The following SDCBP variants were observed in gnomAD, a reference collection of about 807,000 sequenced individuals.
SDCBP encodes syndecan binding protein.
In SDCBP, 22 loss-of-function variants were observed where a neutral mutation model predicts 30.5. That is an observed-to-expected ratio of 0.72 (90% CI 0.52 to 1.03). The LOEUF (loss-of-function observed/expected upper bound fraction) is 1.03, where lower values mean the gene tolerates loss of function less well. Among genes scored for constraint, SDCBP ranks in the 50% least tolerant of loss-of-function variants. The pLI is 0.00. For synonymous variants in SDCBP, 103 were observed against 118.7 expected (o/e 0.87, Z 0.86); for missense variants, 304 against 369.9 (o/e 0.82, Z 1.46).
At chr8:58,575,859 AGT>A in intron 4 of SDCBP, 39 bp from the exon 5 acceptor site, 1 of 1,484,808 alleles carries the variant, frequency 6.7e-7, no homozygotes, top group Non-Finnish European at 9.2e-7. Context: ...TTTCAAGGAG[AGT>A]GTTTCTAGAT....
intron 1 of SDCBP, among the ~76,000 whole-genome samples, chr8:58,557,231 AATG>A (rs1212296123): frequency 1.6e-5 from 2 of 128,728 alleles, no homozygotes; most frequent in Admixed American, 1.6e-4. Context: ...ATTCCAGGAA[AATG>A]ATATTAATTT....
At chr8:58,576,161 G>T in intron 5 of SDCBP, 100 bp downstream of exon 5, 1 of 866,286 alleles carries the variant, frequency 1.2e-6, no homozygotes. Flanking sequence ...AATTATAATA[G>T]TGCATCTGTA....
chr8:58,579,511 G>T, intron 6 of SDCBP, 112 bp from the exon 7 acceptor site: 1 of 742,576 alleles, frequency 1.3e-6, no homozygotes, highest in Non-Finnish European at 1.9e-6. Context: ...GCTCTTATTA[G>T]AAACAGTGTT....
chr8:58,568,208 A>G (rs1472567335), intron 2 of SDCBP, among the ~76,000 whole-genome samples: 2 of 152,060 alleles, frequency 1.3e-5, no homozygotes, highest in African/African-American at 4.8e-5. Flanking sequence ...TTATATCCTG[A>G]TTCTATAAGC....
Position 58,566,270 on chromosome 8 carries a change from A to G in SDCBP, c.51+1186A>G, listed in dbSNP as rs76395625. ...CTGCTTAGCCATTAATATGACATCA[A>G]TACATTAACTGATAAGGATTTTTAG... On this transcript the variant is annotated intron_variant, in intron 2 of 8. Coordinates refer to ENST00000260130, the MANE Select transcript of SDCBP (RefSeq NM_005625.4). Among the ~76,000 whole-genome samples the G allele has an allele frequency of 7.2e-3, 1,091 of 152,322 alleles. 13 individuals are homozygous for G. Among genetic ancestry groups the G allele is most frequent in the African/African-American group, 0.025 (1,032 of 41,574 alleles).
intron 1 of SDCBP, among the ~76,000 whole-genome samples, chr8:58,562,361 T>G (rs566170731): frequency 6.6e-6 from 1 of 152,272 alleles, no homozygotes; most frequent in South Asian, 2.1e-4. Flanking sequence ...AAACTGATAC[T>G]GAATTGATAG....
chr8:58,579,458 C>A (rs1382714125), intron 6 of SDCBP, among the ~76,000 whole-genome samples, 165 bp from the exon 7 acceptor site: 2 of 152,032 alleles, frequency 1.3e-5, no homozygotes, highest in African/African-American at 2.4e-5. Context: ...AAAACTTTTA[C>A]ACAAAGATGT....
chr8:58,566,751 C>T (rs74933994), intron 2 of SDCBP, among the ~76,000 whole-genome samples: 5 of 152,186 alleles, frequency 3.3e-5, no homozygotes, highest in Non-Finnish European at 7.4e-5. Flanking sequence ...TCTCCTGAAA[C>T]GGTATTATGA....
Position 58,577,446 on chromosome 8 carries a change from A to C in SDCBP, c.403-587A>C, listed in dbSNP as rs574033405. Among the ~76,000 whole-genome samples the C allele has an allele frequency of 2.0e-5, 3 of 152,308 alleles. No homozygotes were observed. The East Asian group carries it at 5.8e-4, about 29-fold the overall frequency. On this transcript the variant is annotated intron_variant, in intron 5 of 8. Transcript: ENST00000260130. ...TTTATTTCATTGTGTGTTCTTTATA[A>C]GCCTGTGCATGTGGATTTAATATGC...
At chr8:58,556,102 A>G (rs546876774) in intron 1 of SDCBP, among the ~76,000 whole-genome samples, 15 of 152,244 alleles carry the variant, frequency 9.9e-5, no homozygotes, top group African/African-American at 2.4e-4. Context: ...AAAAAAATCA[A>G]TGATTCTGCC....
At chr8:58,559,586 T>C (rs762630747) in intron 1 of SDCBP, among the ~76,000 whole-genome samples, 7 of 152,148 alleles carry the variant, frequency 4.6e-5, no homozygotes, top group African/African-American at 1.2e-4. Context: ...CCAGATTCTG[T>C]TTTTCCCTTA....
rs553716682 is a variant in SDCBP, at chr8:58,574,172, T to G, written c.241-1728T>G. On this transcript the variant is annotated intron_variant, in intron 4 of 8. Transcript: ENST00000260130. ...TAGAAAGGGATGATACCAGTTAATG[T>G]GGCCATCTCTGGGCAGTCATCATGG... Among the ~76,000 whole-genome samples, 15 of 152,340 alleles carry G rather than the reference T, an allele frequency of 9.8e-5. 1 individual carries two copies. In the South Asian group the frequency reaches 1.0e-3, roughly 11 times the overall value.
intron 1 of SDCBP, among the ~76,000 whole-genome samples, chr8:58,555,513 G>C (rs567696151): frequency 3.3e-5 from 5 of 151,972 alleles, no homozygotes; most frequent in Admixed American, 2.6e-4. Context: ...AAACCCCCAG[G>C]ATACTTATTA....
intron 1 of SDCBP, among the ~76,000 whole-genome samples, chr8:58,553,582 G>A (rs147102984): frequency 0.017 from 2,622 of 152,252 alleles, 36 homozygotes; most frequent in African/African-American, 0.036. Flanking sequence ...TGGGGCTGGG[G>A]CTGGGGCTGG....
At chr8:58,573,412 GA>G (rs1382853534) in intron 4 of SDCBP, among the ~76,000 whole-genome samples, 3 of 152,074 alleles carry the variant, frequency 2.0e-5, no homozygotes, top group Non-Finnish European at 4.4e-5. Context: ...TTGAAAAATT[GA>G]AAAAAACATA....
chr8:58,554,317 G>GTTAAA (rs1803980669), intron 1 of SDCBP, among the ~76,000 whole-genome samples: 5 of 152,202 alleles, frequency 3.3e-5, no homozygotes, highest in Non-Finnish European at 5.9e-5. Flanking sequence ...AAATGTGTAT[G>GTTAAA]TGATTAGTTA....
At position 58,575,970 on chromosome 8, in the gene SDCBP, G is replaced by C. The variant is rs371193260; in HGVS notation, c.311G>C (p.Arg104Pro). 1 of 1,613,342 alleles carries C rather than the reference G, an allele frequency of 6.2e-7. No homozygotes were observed. The part of the protein sequence containing the change: ...APVTGNDVGI[R>P]RAEIKQGIRE... ...GTAACTGGTAATGATGTTGGAATTC[G>C]TAGAGCAGAAATTAAGCAAGGGATT... The change falls in exon 5 of 9, where the codon CGT (arginine) becomes CCT (proline). Residue 104 changes from arginine (R) to proline (P), a missense_variant. Arg to Pro is a moderately radical substitution (Grantham distance 103). Transcript: ENST00000260130.
In SDCBP at chr8:58,575,954, A is replaced by G; in HGVS notation, c.295A>G (p.Asn99Asp). The change falls in exon 5 of 9, where the codon AAT becomes GAT. Residue 99 changes from asparagine (N) to aspartate (D), a missense_variant. Transcript: ENST00000260130. ...INYMVAPVTG[N>D]DVGIRRAEIK... Reference sequence around the variant, plus strand: ...CTATATGGTGGCTCCTGTAACTGGTAATGATGTTGGAATTCGTAGAGCAGA... The same window carrying G: ...CTATATGGTGGCTCCTGTAACTGGTGATGATGTTGGAATTCGTAGAGCAGA... The G allele has an allele frequency of 1.2e-6, 2 of 1,613,530 alleles. No homozygotes were observed. The highest frequency in any genetic ancestry group is 1.7e-6 in the Non-Finnish European group (2 of 1,179,594).
At chr8:58,556,497 C>T (rs1804111806) in intron 1 of SDCBP, among the ~76,000 whole-genome samples, 1 of 152,138 alleles carries the variant, frequency 6.6e-6, no homozygotes, top group South Asian at 2.1e-4. Flanking sequence ...AACATTATTT[C>T]ACCTTAAACA....
Sources: gnomAD v4.1 joint callset for allele counts (sites outside exome capture counted in the v4.1 genomes callset) on GRCh38, gnomAD v4.1.1 for gene constraint, MANE v1.5 for transcripts, NCBI Gene and HGNC (gene_info 2026-07-23, HGNC 2026-07-21) for gene names.